Variants in STXBP5L observed in about 807,000 individuals in gnomAD.
STXBP5L encodes the protein syntaxin-binding protein 5-like.
A neutral mutation model predicts 144.5 loss-of-function variants in STXBP5L; 65 were observed. The ratio of observed to expected loss-of-function variants is 0.45; its 90% CI spans 0.37 to 0.55. The LOEUF is 0.55. STXBP5L is among the 20% of genes least tolerant of loss of function. STXBP5L has a pLI of 0.00. For synonymous variants in STXBP5L, 505 were observed against 469.6 expected, an observed-to-expected ratio of 1.08 and a Z score of -0.97; for missense variants, 1,298 against 1,405.5, an observed-to-expected ratio of 0.92 and a Z score of 1.22.
At chr3:121,002,403 T>C in intron 3 of STXBP5L, among the ~76,000 whole-genome samples, 2 of 152,178 alleles carry the variant, frequency 1.3e-5, no homozygotes, top group South Asian at 4.1e-4. Flanking sequence ...ATTTGAGGGT[T>C]TTTTTTGTTA....
chr3:121,388,153 G>A (rs1328135316), intron 22 of STXBP5L, among the ~76,000 whole-genome samples: 3 of 151,792 alleles, frequency 2.0e-5, no homozygotes, highest in African/African-American at 7.3e-5. Context: ...TATTCTCTTT[G>A]TAGCAATTGT....
intron 20 of STXBP5L, among the ~76,000 whole-genome samples, chr3:121,324,195 G>T (rs918102547): frequency 2.0e-5 from 3 of 152,002 alleles, no homozygotes; most frequent in Admixed American, 6.6e-5. Flanking sequence ...ACTAACAAAG[G>T]AGTATCAAAC....
At chr3:120,983,058 C>A (rs1257254063) in intron 3 of STXBP5L, among the ~76,000 whole-genome samples, 1 of 152,174 alleles carries the variant, frequency 6.6e-6, no homozygotes, top group African/African-American at 2.4e-5. Flanking sequence ...AGCTGTGATA[C>A]ACATGTTTTG....
chr3:121,139,110 A>AGTTG (rs1403533349), intron 7 of STXBP5L, among the ~76,000 whole-genome samples: 6 of 152,004 alleles, frequency 3.9e-5, no homozygotes, highest in African/African-American at 1.4e-4. Flanking sequence ...GAAAGGGAGA[A>AGTTG]GTTGGTTAAT....
chr3:121,152,487 G>A lies in STXBP5L; in HGVS notation c.680G>A (p.Gly227Asp). 3 of 1,603,066 alleles carry A rather than the reference G, an allele frequency of 1.9e-6. No individual in the cohort carries two copies. The highest frequency in any genetic ancestry group is 2.6e-6 in the Non-Finnish European group (3 of 1,175,056). ...TCTAATGTTTTCCAGCTGCTAATAG[G>A]TTATGAAAATGGTACTGTAGTATTC... ...SPRDEGKLLI[G>D]YENGTVVFWD... The change falls in exon 8 of 27, where the codon GGT (glycine) becomes GAT (aspartate). Residue 227 changes from glycine (G) to aspartate (D), a missense_variant. Gly to Asp is a moderately conservative substitution (Grantham distance 94). Coordinates refer to ENST00000471454, the MANE Select transcript of STXBP5L (RefSeq NM_001308330.2).
chr3:121,093,319 A>T (rs541716274), intron 5 of STXBP5L, among the ~76,000 whole-genome samples: 21 of 151,910 alleles, frequency 1.4e-4, no homozygotes, highest in Admixed American at 1.1e-3. Context: ...CTCTTTTTCT[A>T]TTGATTGGAA....
intron 3 of STXBP5L, among the ~76,000 whole-genome samples, chr3:121,021,995 G>T (rs1450857182): frequency 6.6e-6 from 1 of 151,952 alleles, no homozygotes; most frequent in East Asian, 1.9e-4. Context: ...ACTTTGAAAA[G>T]ATAAATAAAA....
chr3:121,104,081 A>T (rs1325964268), intron 5 of STXBP5L, among the ~76,000 whole-genome samples: 1 of 152,198 alleles, frequency 6.6e-6, no homozygotes, highest in African/African-American at 2.4e-5. Context: ...TTATTACAAT[A>T]GTAAATCTTC....
chr3:121,397,832 T>A (rs1281238939), intron 22 of STXBP5L, among the ~76,000 whole-genome samples: 1 of 140,458 alleles, frequency 7.1e-6, no homozygotes, highest in Non-Finnish European at 1.6e-5. Context: ...TATAACTACT[T>A]TGATATACAT....
chr3:121,247,009 G>T (rs2049875261), intron 14 of STXBP5L, among the ~76,000 whole-genome samples: 3 of 152,162 alleles, frequency 2.0e-5, no homozygotes, highest in Admixed American at 1.3e-4. Context: ...GTGTCAATGT[G>T]ACAACTGTGT....
intron 23 of STXBP5L, among the ~76,000 whole-genome samples, chr3:121,410,267 G>A (rs2047085306): frequency 2.6e-5 from 4 of 151,994 alleles, no homozygotes; most frequent in East Asian, 3.9e-4. Flanking sequence ...AATGGTATCT[G>A]TCTTCCTCTG....
At chr3:121,329,787 G>A (rs1394748977) in intron 20 of STXBP5L, among the ~76,000 whole-genome samples, 1 of 152,102 alleles carries the variant, frequency 6.6e-6, no homozygotes, top group Non-Finnish European at 1.5e-5. Context: ...TTGAACCCAG[G>A]AGGAGGAGGA....
intron 18 of STXBP5L, among the ~76,000 whole-genome samples, chr3:121,273,691 T>C (rs2050794943): frequency 6.6e-6 from 1 of 152,094 alleles, no homozygotes; most frequent in Non-Finnish European, 1.5e-5. Flanking sequence ...TTTTTGTTAT[T>C]TTCAGTGTTC....
chr3:121,049,438 C>T (rs1947776628), intron 5 of STXBP5L, among the ~76,000 whole-genome samples: 1 of 152,120 alleles, frequency 6.6e-6, no homozygotes, highest in Admixed American at 6.5e-5. Flanking sequence ...AATCTGGCTA[C>T]TTTTCCTTAA....
intron 5 of STXBP5L, among the ~76,000 whole-genome samples, chr3:121,105,460 C>T (rs1490013260): frequency 6.7e-6 from 1 of 149,758 alleles, no homozygotes; most frequent in East Asian, 1.9e-4. Flanking sequence ...AAAAAATGAT[C>T]AACATCACTA....
At chr3:121,064,541 A>C (rs985377990) in intron 5 of STXBP5L, among the ~76,000 whole-genome samples, 40 of 152,210 alleles carry the variant, frequency 2.6e-4, no homozygotes, top group Admixed American at 2.3e-3. Context: ...GAGAACTGAC[A>C]TGACTGTGGG....
chr3:120,909,587 G>A lies in STXBP5L; in HGVS notation c.9G>A (p.Lys3=), dbSNP rs766086348. 8.1e-6 allele frequency: 13 copies of A among 1,612,850 alleles called. No homozygotes were observed. In the South Asian group the frequency reaches 1.3e-4, roughly 16 times the overall value. MK[K]FNFRKVLDGL... is the part of the protein sequence containing the mutation. ...TCTCAACAGTGTTTAAAATGAAGAA[G>A]TTTAATTTCCGAAAAGTTTTGGATG... The change falls in exon 2 of 27, where the codon AAG becomes AAA. Residue 3 remains lysine (K), a synonymous_variant. Transcript: ENST00000471454.
At chr3:121,027,903 C>A (rs995953021) in intron 3 of STXBP5L, among the ~76,000 whole-genome samples, 17 of 152,044 alleles carry the variant, frequency 1.1e-4, no homozygotes, top group African/African-American at 4.1e-4. Flanking sequence ...TTTCATATAT[C>A]CTCAGCTCTC....
At chr3:120,955,150 A>G in intron 3 of STXBP5L, 113 bp downstream of exon 3, 2 of 747,824 alleles carry the variant, frequency 2.7e-6, no homozygotes, top group East Asian at 2.9e-5. Context: ...TTTTTAAGAA[A>G]TGAGTAACTA....
Sources: gnomAD v4.1 joint callset for allele counts (sites outside exome capture counted in the v4.1 genomes callset) on GRCh38, gnomAD v4.1.1 for gene constraint, MANE v1.5 for transcripts, NCBI Gene and HGNC (gene_info 2026-07-23, HGNC 2026-07-21) for gene names.